The following HAS1 variants were observed in gnomAD, a reference collection of about 807,000 sequenced individuals.
The protein encoded by HAS1 is HA synthase 1.
A neutral mutation model predicts 35.0 loss-of-function variants in HAS1; 27 were observed. The observed-to-expected ratio is 0.77, with a 90% CI of 0.57 to 1.06. The LOEUF (loss-of-function observed/expected upper bound fraction) is 1.06, where lower values mean the gene tolerates loss of function less well. Among genes scored for constraint, HAS1 ranks in the 50% least tolerant of loss-of-function variants. The pLI is 0.00. For synonymous variants in HAS1, 409 were observed against 371.2 expected (o/e 1.10, Z -1.17); for missense variants, 940 against 814.8 (o/e 1.15, Z -1.87).
rs1329764280 is a variant in HAS1, at chr19:51,713,942, A to T, written c.1219T>A (p.Ser407Thr). The change falls in exon 5 of 5, where the codon TCC (serine) becomes ACC (threonine). Residue 407 changes from serine (S) to threonine (T), a missense_variant. Ser to Thr is a moderately conservative substitution (Grantham distance 58, BLOSUM62 1). Coordinates refer to ENST00000540069, the MANE Select transcript of HAS1 (RefSeq NM_001297436.2). The surrounding 1 kb of genome is among the most constrained non-coding windows in gnomAD (Gnocchi z 4.5). ...HAWMTYEAVV[S>T]GLFPFFVAAT... Reference sequence around the variant, plus strand: ...GCCACGAAGAAGGGGAACAGGCCGGAGACCACCGCCTCGTAGGTCATCCAC... The same window carrying T: ...GCCACGAAGAAGGGGAACAGGCCGGTGACCACCGCCTCGTAGGTCATCCAC... The T allele has an allele frequency of 6.2e-7, 1 of 1,610,396 alleles. No homozygotes were observed. Among genetic ancestry groups the T allele is most frequent in the African/African-American group, 1.3e-5 (1 of 74,926 alleles).
In HAS1 at chr19:51,713,657, G is replaced by A; in HGVS notation, c.1504C>T (p.Leu502=). 3 of 1,578,410 alleles carry A rather than the reference G, an allele frequency of 1.9e-6. No homozygotes were observed. The highest frequency in any genetic ancestry group is 2.3e-5 in the South Asian group (2 of 87,230). The change falls in exon 5 of 5, where the codon CTG becomes TTG. Residue 502 remains leucine (L), a synonymous_variant. Coordinates refer to ENST00000540069, the MANE Select transcript of HAS1 (RefSeq NM_001297436.2). This position sits in a 1 kb window ranked among gnomAD's most constrained non-coding sequence, Gnocchi z 4.5. ...AGCGCCCAGAGCGCCAGGGGCAGCA[G>A]AGGGACGTAGTTAGCGGCCAGCTTC... The part of the protein sequence containing the change: ...RRKLAANYVP[L]LPLALWALLL...
chr19:51,718,425 T>C (rs2083600983), intron 2 of HAS1, among the ~76,000 whole-genome samples: 1 of 152,172 alleles, frequency 6.6e-6, no homozygotes, highest in Admixed American at 6.5e-5. Flanking sequence ...ATTTAATAGA[T>C]AAATGAATGA....
rs1487882416 is a variant in HAS1 at position 51,713,934 on chromosome 19, C to T, written c.1227G>A (p.Leu409=). ...WMTYEAVVSG[L]FPFFVAATVL... is the part of the protein sequence containing the mutation. ...CAGTGGCCGCCACGAAGAAGGGGAACAGGCCGGAGACCACCGCCTCGTAGG... is the reference window on the plus strand; with the variant it reads ...CAGTGGCCGCCACGAAGAAGGGGAATAGGCCGGAGACCACCGCCTCGTAGG... Residue 409 remains leucine (L), a synonymous_variant, in exon 5 of 5, where the codon CTG becomes CTA. Transcript: ENST00000540069. The surrounding 1 kb of genome is among the most constrained non-coding windows in gnomAD (Gnocchi z 4.5). 6.2e-7 allele frequency: 1 copy of T among 1,609,642 alleles called. No individual in the cohort carries two copies. The highest frequency in any genetic ancestry group is 8.5e-7 in the Non-Finnish European group (1 of 1,179,996).
Position 51,713,647 on chromosome 19 carries a change from A to T in HAS1, c.1514T>A (p.Leu505Gln). The T allele has an allele frequency of 5.7e-6, 9 of 1,572,086 alleles. No individual in the cohort carries two copies. The highest frequency in any genetic ancestry group is 7.8e-6 in the Non-Finnish European group (9 of 1,159,630). The change falls in exon 5 of 5, where the codon CTG (leucine) becomes CAG (glutamine). Residue 505 changes from leucine to glutamine, a missense_variant. Physicochemically the swap from Leu to Gln is moderately radical, Grantham distance 113. Transcript: ENST00000540069. The surrounding 1 kb of genome is among the most constrained non-coding windows in gnomAD (Gnocchi z 4.5). ...LAANYVPLLP[L>Q]ALWALLLLGG... The stretch of plus-strand genomic sequence containing the variant: ...AAGCAGCAGCAGCGCCCAGAGCGCC[A>T]GGGGCAGCAGAGGGACGTAGTTAGC...
At chr19:51,723,892 C>CAA (rs1568630258) in intron 1 of HAS1, 33 bp downstream of exon 1, 4 of 1,388,434 alleles carry the variant, frequency 2.9e-6, no homozygotes, top group Non-Finnish European at 3.9e-6. Flanking sequence ...TATACACACA[C>CAA]ACACACACAC....
At position 51,713,559 on chromosome 19, in the gene HAS1, T is replaced by C. The variant is rs755125441; in HGVS notation, c.1602A>G (p.Ala534=). ...ARADWSGPSR[A]AEAYHLAAGA... ...CCGCGGCCAAGTGGTAGGCCTCGGC[T>C]GCGCGGGAAGGGCCGCTCCAGTCGG... The change falls in exon 5 of 5, where the codon GCA becomes GCG. Residue 534 remains alanine, a synonymous_variant. Coordinates refer to ENST00000540069, the MANE Select transcript of HAS1 (RefSeq NM_001297436.2). This position sits in a 1 kb window ranked among gnomAD's most constrained non-coding sequence, Gnocchi z 4.5. 2 of 1,579,062 alleles carry C rather than the reference T, an allele frequency of 1.3e-6. No individual in the cohort carries two copies. Among genetic ancestry groups the C allele is most frequent in the East Asian group, 4.7e-5 (2 of 42,674 alleles).
In HAS1 at chr19:51,713,834, C is replaced by G. The variant is rs760936739; in HGVS notation, c.1327G>C (p.Ala443Pro). The G allele has an allele frequency of 6.2e-7, 1 of 1,607,034 alleles. No homozygotes were observed. Among genetic ancestry groups the G allele is most frequent in the Admixed American group, 1.7e-5 (1 of 59,770 alleles). The change falls in exon 5 of 5, where the codon GCC becomes CCC. Residue 443 changes from alanine to proline, a missense_variant. By Grantham distance (27) the Ala-to-Pro change is conservative. Coordinates refer to ENST00000540069, the MANE Select transcript of HAS1 (RefSeq NM_001297436.2). The surrounding 1 kb of genome is among the most constrained non-coding windows in gnomAD (Gnocchi z 4.5). Reference protein sequence around the residue: ...VLLCVQGVALAKAAFAAWLRG... With the variant: ...VLLCVQGVALPKAAFAAWLRG... ...AGCCAGGCCGCGAAGGCCGCCTTGG[C>G]CAGTGCCACGCCCTGCACGCACAGC...
At chr19:51,716,867 G>T in intron 3 of HAS1, 101 bp downstream of exon 3, 1 of 826,080 alleles carries the variant, frequency 1.2e-6, no homozygotes. Flanking sequence ...CTGCCCTGCT[G>T]CATCTTTGTT....
chr19:51,722,049 G>A (rs1013512973), intron 1 of HAS1, among the ~76,000 whole-genome samples: 8 of 152,134 alleles, frequency 5.3e-5, no homozygotes, highest in Non-Finnish European at 7.3e-5. Flanking sequence ...TGGCTCTGGC[G>A]TCCCCTCTAC....
At position 51,719,372 on chromosome 19, in the gene HAS1, C is replaced by T. The variant is rs1034297114; in HGVS notation, c.533G>A (p.Gly178Asp). The T allele has an allele frequency of 6.3e-7, 1 of 1,591,340 alleles. No individual in the cohort carries two copies. The highest frequency in any genetic ancestry group is 1.3e-5 in the African/African-American group (1 of 74,180). The change falls in exon 2 of 5, where the codon GGC (glycine) becomes GAC (aspartate). Residue 178 changes from glycine to aspartate, a missense_variant. By Grantham distance (94) the Gly-to-Asp change is moderately conservative (BLOSUM62 -1). Coordinates refer to ENST00000540069, the MANE Select transcript of HAS1 (RefSeq NM_001297436.2). Reference protein sequence around the residue: ...PWEPAAAGAVGAGAYREVEAE... With the variant: ...PWEPAAAGAVDAGAYREVEAE... ...CTCCACCTCCCGATAGGCTCCGGCG[C>T]CCACCGCGCCCGCCGCCGCGGGTTC... is the stretch of plus-strand genomic sequence containing the variant.
At position 51,719,193 on chromosome 19, in the gene HAS1, C is replaced by T; in HGVS notation, c.699+13G>A. 1.3e-6 allele frequency: 2 copies of T among 1,503,056 alleles called. No individual in the cohort carries two copies. Among genetic ancestry groups the T allele is most frequent in the Non-Finnish European group, 1.8e-6 (2 of 1,121,072 alleles). 93.1% of individuals were successfully genotyped at this position (1,503,056 alleles called of 1,614,324 possible). On this transcript the variant is annotated intron_variant, in intron 2 of 4. Coordinates refer to ENST00000540069, the MANE Select transcript of HAS1 (RefSeq NM_001297436.2). ...GTTCGGGTCACGAGTGGGCTGAAGG[C>T]GCCTCTACTCACCTGCACGTAGTCC...
chr19:51,716,019 C>T (rs1363244520), intron 4 of HAS1, among the ~76,000 whole-genome samples: 1 of 152,154 alleles, frequency 6.6e-6, no homozygotes, highest in East Asian at 1.9e-4. Flanking sequence ...AAATGCCAGC[C>T]TTGTCCCTTA....
chr19:51,719,305 C>T lies in HAS1; in HGVS notation c.600G>A (p.Arg200=), dbSNP rs750483953. The T allele has an allele frequency of 6.2e-7, 1 of 1,612,796 alleles. No individual in the cohort carries two copies. The highest frequency in any genetic ancestry group is 1.3e-5 in the African/African-American group (1 of 74,930). ...PGRLAVEALV[R]TRRCVCVAQR... ...GCGCCACGCACACGCACCTGCGAGT[C>T]CTCACCAGCGCCTCCACTGCCAGCC... is the stretch of plus-strand genomic sequence containing the variant. Residue 200 remains arginine (R), a synonymous_variant, in exon 2 of 5, where the codon AGG becomes AGA. Coordinates refer to ENST00000540069, the MANE Select transcript of HAS1 (RefSeq NM_001297436.2).
rs745475332 is a variant in HAS1, at chr19:51,713,675, C to G, written c.1486G>C (p.Ala496Pro). The change falls in exon 5 of 5, where the codon GCC becomes CCC. Residue 496 changes from alanine (A) to proline (P), a missense_variant. Physicochemically the swap from Ala to Pro is conservative, Grantham distance 27 (BLOSUM62 -1). Coordinates refer to ENST00000540069, the MANE Select transcript of HAS1 (RefSeq NM_001297436.2). The surrounding 1 kb of genome is among the most constrained non-coding windows in gnomAD (Gnocchi z 4.5). ...GWGTSGRRKL[A>P]ANYVPLLPLA... ...GGCAGCAGAGGGACGTAGTTAGCGG[C>G]CAGCTTCCGCCGGCCCGAGGTGCCC... 6 of 1,585,002 alleles carry G rather than the reference C, an allele frequency of 3.8e-6. No homozygotes were observed. The African/African-American group carries it at 8.1e-5, about 21-fold the overall frequency.
In HAS1 at chr19:51,713,520, G is replaced by A. The variant is rs766136824; in HGVS notation, c.1641C>T (p.Tyr547=). 1 of 1,603,020 alleles carries A rather than the reference G, an allele frequency of 6.2e-7. No individual in the cohort carries two copies. Among genetic ancestry groups the A allele is most frequent in the Non-Finnish European group, 8.5e-7 (1 of 1,175,656 alleles). ...TCAACATGGCCACCCAGTAGCCCAC[G>A]TAGGCGCCGGCCCCCGCGGCCAAGT... ...AYHLAAGAGA[Y]VGYWVAMLTL... Residue 547 remains tyrosine, a synonymous_variant, in exon 5 of 5, where the codon TAC becomes TAT. Transcript: ENST00000540069. The surrounding 1 kb of genome is among the most constrained non-coding windows in gnomAD (Gnocchi z 4.5).
At position 51,714,648 on chromosome 19, in the gene HAS1, GC is replaced by G. The variant is rs2083573836; in HGVS notation, c.1059-547del. ...TGAGGCTGCAGTGAGCCATGATCGT[GC>G]CCCTGCACTCCAGCCTGAGCCTGAG... On this transcript the variant is annotated intron_variant, in intron 4 of 4. Coordinates refer to ENST00000540069, the MANE Select transcript of HAS1 (RefSeq NM_001297436.2). 3.1e-5 allele frequency among the ~76,000 whole-genome samples: 4 copies of G among 130,492 alleles called. No individual in the cohort carries two copies. The South Asian group carries it at 1.1e-3, about 34-fold the overall frequency. The allele number at this position is 130,492 out of a possible 152,430, so 85.6% of individuals were successfully genotyped here.
At chr19:51,715,646 C>T (rs7254072) in intron 4 of HAS1, among the ~76,000 whole-genome samples, 113,108 of 152,094 alleles carry the variant, frequency 0.74, 42,402 homozygotes, top group East Asian at 0.99. Context: ...ATGGATTCCC[C>T]TGGATTATCC....
chr19:51,720,016 C>G, intron 1 of HAS1, 121 bp from the exon 2 acceptor site: 2 of 596,372 alleles, frequency 3.4e-6, no homozygotes, highest in South Asian at 2.1e-5. Context: ...CTCCCTCTCT[C>G]TCTCCCTCCC....
rs2083566082 is a variant in HAS1, at chr19:51,714,068, G to A, written c.1093C>T (p.Pro365Ser). The A allele has an allele frequency of 1.2e-6, 2 of 1,613,474 alleles. No homozygotes were observed. Among genetic ancestry groups the A allele is most frequent in the African/African-American group, 1.3e-5 (1 of 74,948 alleles). Residue 365 changes from proline to serine, a missense_variant, in exon 5 of 5, where the codon CCC (proline) becomes TCC (serine). Physicochemically the swap from Pro to Ser is moderately conservative, Grantham distance 74 (BLOSUM62 -1). Coordinates refer to ENST00000540069, the MANE Select transcript of HAS1 (RefSeq NM_001297436.2). ...CTCAGCCACCGCAGGAAGGACGAGG[G>A]CGTCTCTGAGTAGCAGCGGGACCTG... ...TSRSRCYSET[P>S]SSFLRWLSQQ... is the part of the protein sequence containing the mutation.
Sources: gnomAD v4.1 joint callset for allele counts (sites outside exome capture counted in the v4.1 genomes callset) on GRCh38, gnomAD v4.1.1 for gene constraint, Gnocchi (gnomAD v3.1) non-coding constraint, MANE v1.5 for transcripts, NCBI Gene and HGNC (gene_info 2026-07-23, HGNC 2026-07-21) for gene names.